VWA3B: variants seen among roughly 807,000 people sequenced by gnomAD.
VWA3B encodes von Willebrand factor A domain-containing protein 3B.
VWA3B carries 138 observed loss-of-function variants against 158.3 expected under a neutral mutation model. The observed-to-expected ratio is 0.87, with a 90% CI of 0.76 to 1.00. The LOEUF is 1.00. Ranked by LOEUF, VWA3B falls within the 50% of genes least tolerant of loss-of-function variation. The probability of loss-of-function intolerance (pLI) is 0.00; values close to 1 mark genes in which losing one functional copy is unlikely to be tolerated. For missense variants in VWA3B, 1,555 were observed against 1,565.1 expected, an observed-to-expected ratio of 0.99 and a Z score of 0.11; for synonymous variants, 596 against 587.3, an observed-to-expected ratio of 1.01 and a Z score of -0.21.
At position 98,236,451 on chromosome 2, in the gene VWA3B, A is replaced by G; in HGVS notation, c.2490A>G (p.Arg830=). The part of the protein sequence containing the change: ...LDDKSSEKVT[R]EGSQVYDHDS... ...ACAAATCGTCAGAAAAGGTGACGCG[A>G]GAAGGAAGCCAGGTTTATGACCACG... Residue 830 remains arginine (R), a synonymous_variant, in exon 18 of 28, where the codon CGA becomes CGG. Transcript: ENST00000477737. 6.2e-7 allele frequency: 1 copy of G among 1,614,244 alleles called. No homozygotes were observed. The highest frequency in any genetic ancestry group is 8.5e-7 in the Non-Finnish European group (1 of 1,180,040).
At chr2:98,166,316 A>G (rs1679068275) in intron 8 of VWA3B, among the ~76,000 whole-genome samples, 3 of 152,188 alleles carry the variant, frequency 2.0e-5, no homozygotes, top group Non-Finnish European at 4.4e-5. Flanking sequence ...CGGTCTGGGC[A>G]ACAGAGCGAG....
chr2:98,225,150 T>C (rs1684820269), intron 14 of VWA3B, among the ~76,000 whole-genome samples: 2 of 152,338 alleles, frequency 1.3e-5, no homozygotes, highest in African/African-American at 4.8e-5. Flanking sequence ...GCCAGGCTGA[T>C]CTCGAACTCC....
intron 11 of VWA3B, among the ~76,000 whole-genome samples, chr2:98,193,914 C>T (rs1017534297): frequency 6.6e-6 from 1 of 152,132 alleles, no homozygotes; most frequent in African/African-American, 2.4e-5. Flanking sequence ...TTTAACAAAG[C>T]TCTACTGGAG....
intron 12 of VWA3B, among the ~76,000 whole-genome samples, chr2:98,199,406 G>A (rs150581116): frequency 9.9e-5 from 15 of 152,200 alleles, no homozygotes; most frequent in Non-Finnish European, 1.5e-4. Context: ...TGTGGATGCC[G>A]GCAGAACACC....
chr2:98,236,844 G>T, intron 19 of VWA3B, 114 bp downstream of exon 19: 9 of 1,410,620 alleles, frequency 6.4e-6, no homozygotes, highest in Non-Finnish European at 8.6e-6. Flanking sequence ...GCCACTGGGG[G>T]AAAAAGTATT....
chr2:98,182,505 G>A (rs1680680474), intron 9 of VWA3B, among the ~76,000 whole-genome samples: 1 of 152,254 alleles, frequency 6.6e-6, no homozygotes, highest in Non-Finnish European at 1.5e-5. Flanking sequence ...ACCCTAGGAT[G>A]CAGGGTAATT....
intron 19 of VWA3B, chr2:98,236,945 G>A (rs1685744083): frequency 1.8e-6 from 1 of 559,654 alleles, no homozygotes; most frequent in Non-Finnish European, 3.0e-6. Flanking sequence ...GAAGGCTGTG[G>A]TGGGTGGATC....
intron 2 of VWA3B, among the ~76,000 whole-genome samples, chr2:98,103,303 CATT>C (rs1683215329): frequency 6.6e-6 from 1 of 152,070 alleles, no homozygotes. Flanking sequence ...ACTTAATCAT[CATT>C]ATTTATTTCT....
intron 7 of VWA3B, among the ~76,000 whole-genome samples, chr2:98,135,479 G>T (rs1676211276): frequency 1.3e-5 from 2 of 148,762 alleles, no homozygotes; most frequent in African/African-American, 2.5e-5. Context: ...GGGACTACAG[G>T]CGCCCGCCAC....
In VWA3B at chr2:98,188,124, AAGG is replaced by A. The variant is rs1214603441; in HGVS notation, c.1465_1466+1del. The A allele has an allele frequency of 6.2e-7, 1 of 1,610,528 alleles. No individual in the cohort carries two copies. The highest frequency in any genetic ancestry group is 8.5e-7 in the Non-Finnish European group (1 of 1,178,420). On this transcript the variant is annotated inframe_deletion and splice_region_variant, in exon 10 of 28. Transcript: ENST00000477737. ...TCCACACAGCCCTGGCCCGGATCCG[AAGG>A]AGGTTGGTGTTATTTGCAGGAAGTT...
chr2:98,169,570 T>C (rs13406725), intron 8 of VWA3B, among the ~76,000 whole-genome samples: 50,550 of 152,086 alleles, frequency 0.33, 10,530 homozygotes, highest in East Asian at 0.64. Flanking sequence ...GTGTACACTT[T>C]AAAGGTGTAT....
At chr2:98,114,140 A>G (rs935114594) in intron 2 of VWA3B, among the ~76,000 whole-genome samples, 17 of 152,214 alleles carry the variant, frequency 1.1e-4, no homozygotes, top group Non-Finnish European at 4.4e-5. Flanking sequence ...AAGGTTAGCT[A>G]CTACAATCTA....
intron 15 of VWA3B, among the ~76,000 whole-genome samples, chr2:98,229,384 G>A (rs1033618799): frequency 2.6e-5 from 4 of 152,234 alleles, no homozygotes; most frequent in Admixed American, 6.5e-5. Flanking sequence ...CGGAGGCGTC[G>A]AGGGGCAGTG....
rs145664479 is a variant in VWA3B, at chr2:98,153,490, A to C, written c.989-9361A>C. The stretch of plus-strand genomic sequence containing the variant: ...TATTATGAAACTGAGTTTTATTTAC[A>C]TAAGGACACATTCAGGCTGCTATGC... On this transcript the variant is annotated intron_variant, in intron 7 of 27. Coordinates refer to ENST00000477737, the MANE Select transcript of VWA3B (RefSeq NM_144992.5). Among the ~76,000 whole-genome samples, 494 of 152,356 alleles carry C rather than the reference A, an allele frequency of 3.2e-3. 4 individuals are homozygous for C. Among genetic ancestry groups the C allele is most frequent in the African/African-American group, 0.011 (459 of 41,580 alleles).
intron 9 of VWA3B, among the ~76,000 whole-genome samples, chr2:98,187,530 TC>T (rs1681182010): frequency 6.6e-6 from 1 of 152,094 alleles, no homozygotes; most frequent in Admixed American, 6.6e-5. Flanking sequence ...GGCCGTCTAG[TC>T]CACTGTCGCT....
intron 6 of VWA3B, among the ~76,000 whole-genome samples, chr2:98,128,737 A>C (rs1162978086): frequency 6.6e-6 from 1 of 152,180 alleles, no homozygotes; most frequent in Non-Finnish European, 1.5e-5. Context: ...CACACTGCCA[A>C]TCCAGGCTCT....
intron 5 of VWA3B, among the ~76,000 whole-genome samples, chr2:98,127,363 G>T (rs1675445005): frequency 6.6e-6 from 1 of 152,182 alleles, no homozygotes; most frequent in Non-Finnish European, 1.5e-5. Context: ...AGTTGCCTGA[G>T]GTGACAGAGC....
chr2:98,244,249 C>A (rs543563117), intron 19 of VWA3B, among the ~76,000 whole-genome samples: 1 of 152,264 alleles, frequency 6.6e-6, no homozygotes, highest in South Asian at 2.1e-4. Flanking sequence ...AATTATTCCT[C>A]CCAATTGGGG....
At chr2:98,166,967 C>G (rs1679135552) in intron 8 of VWA3B, among the ~76,000 whole-genome samples, 1 of 152,188 alleles carries the variant, frequency 6.6e-6, no homozygotes, top group Non-Finnish European at 1.5e-5. Context: ...CAATCTGGCC[C>G]TCTATACCAC....
Sources: gnomAD v4.1 joint callset for allele counts (sites outside exome capture counted in the v4.1 genomes callset) on GRCh38, gnomAD v4.1.1 for gene constraint, MANE v1.5 for transcripts, NCBI Gene and HGNC (gene_info 2026-07-23, HGNC 2026-07-21) for gene names.